SCAND3: variants seen among roughly 807,000 people sequenced by gnomAD.
SCAND3 encodes the protein SCAN domain containing 3, also known as SCAN domain-containing protein 3.
the SCAND3 span, among the ~76,000 whole-genome samples, chr6:28,605,137 G>T: frequency 6.6e-6 from 1 of 152,134 alleles, no homozygotes; most frequent in African/African-American, 2.4e-5. Flanking sequence ...CCACTCCTCT[G>T]TTGGTCCAAG....
the SCAND3 span, among the ~76,000 whole-genome samples, chr6:28,574,339 CA>C: frequency 8.1e-4 from 123 of 152,282 alleles, 2 homozygotes; most frequent in South Asian, 0.023. Flanking sequence ...AACCCTACTT[CA>C]TAAAGCCTAT....
At chr6:28,602,714 T>C in the SCAND3 span, among the ~76,000 whole-genome samples, 1 of 152,170 alleles carries the variant, frequency 6.6e-6, no homozygotes, top group Non-Finnish European at 1.5e-5. Flanking sequence ...TGATTTTTGC[T>C]ACTTAGGTAG....
chr6:28,612,044 T>C, the SCAND3 span, among the ~76,000 whole-genome samples: 1 of 143,510 alleles, frequency 7.0e-6, no homozygotes, highest in African/African-American at 2.5e-5. Flanking sequence ...TTTTTTGTTG[T>C]TTTTTTTTTT....
At chr6:28,572,975 C>T in the SCAND3 span, 1 of 1,613,736 alleles carries the variant, frequency 6.2e-7, no homozygotes, top group Non-Finnish European at 8.5e-7. This position sits in a 1 kb window ranked among gnomAD's most constrained non-coding sequence, Gnocchi z 4.1. Context: ...GAAGCTGCAC[C>T]ATCAGAACAT....
At chr6:28,613,216 A>G in the SCAND3 span, among the ~76,000 whole-genome samples, 1 of 152,180 alleles carries the variant, frequency 6.6e-6, no homozygotes, top group Non-Finnish European at 1.5e-5. Flanking sequence ...CACTAGCAAA[A>G]CACCTTTTGC....
chr6:28,610,201 A>T, the SCAND3 span, among the ~76,000 whole-genome samples: 5 of 152,158 alleles, frequency 3.3e-5, no homozygotes, highest in Non-Finnish European at 5.9e-5. Flanking sequence ...TTTTTTAAAC[A>T]GGTAATATGT....
chr6:28,573,901 T>C, the SCAND3 span: 6 of 1,390,250 alleles, frequency 4.3e-6, no homozygotes, highest in African/African-American at 9.2e-5. Context: ...TACCACAAGT[T>C]AAAAACTAGA....
the SCAND3 span, among the ~76,000 whole-genome samples, chr6:28,595,186 C>G: frequency 1.7e-5 from 2 of 114,840 alleles, no homozygotes; most frequent in Non-Finnish European, 3.4e-5. Context: ...GGTGGAACCC[C>G]GTCACTACCA....
the SCAND3 span, chr6:28,575,964 T>A: frequency 3.0e-5 from 49 of 1,613,602 alleles, no homozygotes; most frequent in Middle Eastern, 1.6e-4. The surrounding 1 kb of genome is among the most constrained non-coding windows in gnomAD (Gnocchi z 4.2). Context: ...GACAGTACTT[T>A]GCTTTAGAAA....
the SCAND3 span, chr6:28,575,452 G>A: frequency 1.2e-6 from 2 of 1,613,806 alleles, no homozygotes; most frequent in South Asian, 1.1e-5. The surrounding 1 kb of genome is among the most constrained non-coding windows in gnomAD (Gnocchi z 4.2). Flanking sequence ...AAGAGCATGT[G>A]CAACTTCCGT....
chr6:28,595,195 C>CA, the SCAND3 span, among the ~76,000 whole-genome samples: 1,009 of 16,098 alleles, frequency 0.063, 308 homozygotes, highest in East Asian at 0.079. Context: ...CCGTCACTAC[C>CA]AAAAAAAAAA....
At chr6:28,604,051 T>A in the SCAND3 span, among the ~76,000 whole-genome samples, 1 of 152,186 alleles carries the variant, frequency 6.6e-6, no homozygotes, top group African/African-American at 2.4e-5. Flanking sequence ...AGACCTGCAC[T>A]TAGAAGTAGC....
At chr6:28,607,668 T>C in the SCAND3 span, among the ~76,000 whole-genome samples, 1 of 152,090 alleles carries the variant, frequency 6.6e-6, no homozygotes, top group Non-Finnish European at 1.5e-5. Flanking sequence ...TCACCAGATA[T>C]GGAAGCAGTG....
chr6:28,602,434 C>T, the SCAND3 span, among the ~76,000 whole-genome samples: 2 of 152,206 alleles, frequency 1.3e-5, no homozygotes, highest in African/African-American at 2.4e-5. Flanking sequence ...TCTCAAACTC[C>T]TGAGTTCAGG....
At chr6:28,611,532 T>C in the SCAND3 span, among the ~76,000 whole-genome samples, 1 of 152,210 alleles carries the variant, frequency 6.6e-6, no homozygotes, top group Non-Finnish European at 1.5e-5. Flanking sequence ...CATTTTAATA[T>C]ACAACAATAT....
At chr6:28,611,890 T>C in the SCAND3 span, among the ~76,000 whole-genome samples, 1 of 152,234 alleles carries the variant, frequency 6.6e-6, no homozygotes, top group East Asian at 1.9e-4. Context: ...TTTAAAAGTG[T>C]CTTCTAAATA....
chr6:28,597,391 T>C, the SCAND3 span, among the ~76,000 whole-genome samples: 15 of 152,310 alleles, frequency 9.8e-5, no homozygotes, highest in East Asian at 1.7e-3. Flanking sequence ...GGATTAGCAG[T>C]CCATCGCCTT....
the SCAND3 span, among the ~76,000 whole-genome samples, chr6:28,592,294 A>T: frequency 0.27 from 41,003 of 152,144 alleles, 6,471 homozygotes; most frequent in African/African-American, 0.43. The surrounding 1 kb of genome is among the most constrained non-coding windows in gnomAD (Gnocchi z 4.1). Flanking sequence ...TATAATGATG[A>T]ACTATCTGAA....
the SCAND3 span, among the ~76,000 whole-genome samples, chr6:28,576,621 A>T: frequency 1.2e-4 from 19 of 152,268 alleles, no homozygotes; most frequent in Admixed American, 6.5e-4. Context: ...AGCGTAAATG[A>T]AACTCCAGCC....
Sources: allele counts gnomAD v4.1 joint callset (sites outside exome capture counted in the v4.1 genomes callset), GRCh38; gene constraint gnomAD v4.1.1; non-coding constraint Gnocchi (gnomAD v3.1); transcripts MANE v1.5; gene names NCBI Gene and HGNC (gene_info 2026-07-23, HGNC 2026-07-21).